PAX5: variants seen among roughly 807,000 people sequenced by gnomAD.
The protein encoded by PAX5 is paired box 5.
In PAX5, 9 loss-of-function variants were observed where a neutral mutation model predicts 43.7. The observed-to-expected ratio is 0.21, with a 90% CI of 0.12 to 0.36. The LOEUF is 0.36. Among genes scored for constraint, PAX5 ranks in the 10% least tolerant of loss-of-function variants. The pLI is 1.00. For synonymous variants in PAX5, 228 were observed against 214.3 expected (o/e 1.06, Z -0.56); for missense variants, 383 against 532.7 (o/e 0.72, Z 2.77).
At chr9:36,969,740 T>C (rs1834777886) in intron 5 of PAX5, among the ~76,000 whole-genome samples, 1 of 152,144 alleles carries the variant, frequency 6.6e-6, no homozygotes, top group African/African-American at 2.4e-5. Context: ...TTCTGGCACC[T>C]GGGAGGCCGA....
intron 7 of PAX5, among the ~76,000 whole-genome samples, chr9:36,916,830 G>T (rs1052362659): frequency 2.6e-5 from 4 of 152,018 alleles, no homozygotes; most frequent in African/African-American, 9.7e-5. Context: ...GACTACAGGT[G>T]TGCACAACCA....
intron 8 of PAX5, among the ~76,000 whole-genome samples, chr9:36,855,888 G>A (rs988768663): frequency 6.6e-6 from 1 of 152,134 alleles, no homozygotes; most frequent in African/African-American, 2.4e-5. Context: ...TCAAGACCCA[G>A]CTCAAATACC....
intron 7 of PAX5, among the ~76,000 whole-genome samples, chr9:36,910,234 GAGT>G (rs1255610304): frequency 1.3e-5 from 2 of 152,196 alleles, no homozygotes; most frequent in Non-Finnish European, 2.9e-5. Context: ...TACCCTTCCA[GAGT>G]TTCTTTAATT....
At chr9:37,026,597 C>A in intron 1 of PAX5, 1 of 1,348,536 alleles carries the variant, frequency 7.4e-7, no homozygotes, top group Non-Finnish European at 9.8e-7. Flanking sequence ...AGACTGCAGG[C>A]CGGCCCACGC....
chr9:37,018,034 C>A (rs1203105661), intron 2 of PAX5, among the ~76,000 whole-genome samples: 1 of 152,160 alleles, frequency 6.6e-6, no homozygotes, highest in Non-Finnish European at 1.5e-5. Flanking sequence ...GTAGGTGGCT[C>A]TGATGCTAAC....
At position 36,840,442 on chromosome 9, in the gene PAX5, G is replaced by A; in HGVS notation, c.*118C>T. ...GAAGAGAGGAAGAGGGGAGCTTCAG[G>A]CAAGTGGGGGATGCTGGGGGACGGT... On this transcript the variant is annotated 3_prime_UTR_variant, in exon 10 of 10. Coordinates refer to ENST00000358127, the MANE Select transcript of PAX5 (RefSeq NM_016734.3). 1 of 991,612 alleles carries A rather than the reference G, an allele frequency of 1.0e-6. No homozygotes were observed. Among genetic ancestry groups the A allele is most frequent in the Non-Finnish European group, 1.5e-6 (1 of 647,860 alleles). The allele number at this position is 991,612 out of a possible 1,614,324, so 61.4% of individuals were successfully genotyped here.
intron 7 of PAX5, among the ~76,000 whole-genome samples, chr9:36,895,207 A>G (rs1827750794): frequency 6.6e-6 from 1 of 152,268 alleles, no homozygotes; most frequent in Non-Finnish European, 1.5e-5. Flanking sequence ...AGGCCTGTGC[A>G]CAAAGGTGGA....
Position 36,911,359 on chromosome 9 carries a change from C to T in PAX5, c.910+11996G>A, listed in dbSNP as rs185609325. On this transcript the variant is annotated intron_variant, in intron 7 of 9. Coordinates refer to ENST00000358127, the MANE Select transcript of PAX5 (RefSeq NM_016734.3). ...TTTTTTTGAGATCGGGGGGGTCTCC[C>T]TATGTTGCCCAGGCTAGTCTCGAAC... Among the ~76,000 whole-genome samples the T allele has an allele frequency of 1.2e-3, 178 of 152,030 alleles. 2 individuals are homozygous for T. Among genetic ancestry groups the T allele is most frequent in the Admixed American group, 2.6e-3 (39 of 15,276 alleles).
chr9:36,941,911 A>G (rs975434319), intron 6 of PAX5, among the ~76,000 whole-genome samples: 1 of 152,208 alleles, frequency 6.6e-6, no homozygotes, highest in African/African-American at 2.4e-5. Flanking sequence ...ACCCTTTCCA[A>G]TCACATAGCT....
chr9:36,969,171 A>G (rs907719421), intron 5 of PAX5, among the ~76,000 whole-genome samples: 3 of 147,118 alleles, frequency 2.0e-5, no homozygotes, highest in Middle Eastern at 3.2e-3. Context: ...AAACTCAGTG[A>G]AACCTCCTTC....
At chr9:36,964,592 C>CAA (rs1491323250) in intron 6 of PAX5, among the ~76,000 whole-genome samples, 3 of 91,652 alleles carry the variant, frequency 3.3e-5, no homozygotes, top group African/African-American at 1.5e-4. Flanking sequence ...AACTCCAGCT[C>CAA]ACAAAAAAAA....
intron 5 of PAX5, among the ~76,000 whole-genome samples, chr9:36,986,602 G>A (rs1455293038): frequency 6.6e-6 from 1 of 152,064 alleles, no homozygotes; most frequent in Non-Finnish European, 1.5e-5. Context: ...GTGACCTCCT[G>A]GAAGTCGTCT....
chr9:37,031,364 G>A (rs1840965577), intron 1 of PAX5, among the ~76,000 whole-genome samples: 1 of 152,124 alleles, frequency 6.6e-6, no homozygotes, highest in South Asian at 2.1e-4. Flanking sequence ...GTGAGATGAA[G>A]CTTCATGGAT....
intron 6 of PAX5, among the ~76,000 whole-genome samples, chr9:36,938,470 A>G (rs1444135449): frequency 6.6e-6 from 1 of 152,176 alleles, no homozygotes; most frequent in Non-Finnish European, 1.5e-5. Context: ...CTCAAATAAC[A>G]TAAAACTGCT....
At chr9:36,971,189 T>C (rs938418079) in intron 5 of PAX5, among the ~76,000 whole-genome samples, 15 of 152,048 alleles carry the variant, frequency 9.9e-5, no homozygotes, top group Non-Finnish European at 1.9e-4. Flanking sequence ...AACTGAAAAA[T>C]AATCGGACTA....
At chr9:36,984,653 A>G (rs886870725) in intron 5 of PAX5, among the ~76,000 whole-genome samples, 2 of 151,652 alleles carry the variant, frequency 1.3e-5, no homozygotes, top group Non-Finnish European at 2.9e-5. Context: ...TAGGGGTTTC[A>G]TCATGTTGGC....
chr9:36,854,341 G>A (rs1182074457), intron 8 of PAX5, among the ~76,000 whole-genome samples: 4 of 152,158 alleles, frequency 2.6e-5, no homozygotes, highest in East Asian at 1.9e-4. Context: ...CGATATACAC[G>A]TACACATGCA....
chr9:36,834,417 A>AGT lies in PAX5; in HGVS notation c.*6141_*6142dup, dbSNP rs56175234. 124,202 of 222,884 alleles carry AGT rather than the reference A, an allele frequency of 0.56. 28,794 individuals are homozygous for AGT. Among genetic ancestry groups the AGT allele is most frequent in the Admixed American group, 0.68 (11,468 of 16,812 alleles). 13.8% of individuals were successfully genotyped at this position (222,884 alleles called of 1,614,324 possible). A position where few individuals can be genotyped will look rare whatever the true frequency, so the allele number is the denominator to read the frequency against. On this transcript the variant is annotated 3_prime_UTR_variant, in exon 10 of 10. Coordinates refer to ENST00000358127, the MANE Select transcript of PAX5 (RefSeq NM_016734.3). The stretch of plus-strand genomic sequence containing the variant: ...TGTCTGAGGTGTAGGGGAGTGAGTG[A>AGT]GTGTGTGTGTGTGTGTGTGTGTGTG...
chr9:36,933,487 G>A (rs1188633648), intron 6 of PAX5, among the ~76,000 whole-genome samples: 1 of 152,232 alleles, frequency 6.6e-6, no homozygotes, highest in African/African-American at 2.4e-5. Context: ...GTCCTGGGAT[G>A]TGGACAGATG....
Sources: gnomAD v4.1 joint callset for allele counts (sites outside exome capture counted in the v4.1 genomes callset) on GRCh38, gnomAD v4.1.1 for gene constraint, MANE v1.5 for transcripts, NCBI Gene and HGNC (gene_info 2026-07-23, HGNC 2026-07-21) for gene names.